ARHGEF18: variants seen among roughly 807,000 people sequenced by gnomAD.
The protein encoded by ARHGEF18 is Rho/Rac guanine nucleotide exchange factor 18.
ARHGEF18 carries 93 observed loss-of-function variants against 155.7 expected under a neutral mutation model. The observed-to-expected ratio is 0.60, with a 90% confidence interval of 0.50 to 0.71. The LOEUF is 0.71. Among genes scored for constraint, ARHGEF18 ranks in the 30% least tolerant of loss-of-function variants. ARHGEF18 has a pLI of 0.00. For missense variants in ARHGEF18, 1,593 were observed against 1,816.1 expected (o/e 0.88, Z 2.23); for synonymous variants, 742 against 753.1 (o/e 0.99, Z 0.24).
intron 2 of ARHGEF18, among the ~76,000 whole-genome samples, chr19:7,367,005 T>C (rs1222634378): frequency 1.3e-5 from 2 of 151,776 alleles, no homozygotes. Context: ...CAACTGATCC[T>C]CCTACTTTAA....
intron 10 of ARHGEF18, among the ~76,000 whole-genome samples, chr19:7,383,968 G>A (rs944433900): frequency 6.6e-6 from 1 of 152,060 alleles, no homozygotes; most frequent in Non-Finnish European, 1.5e-5. Context: ...CTCCCAGAAA[G>A]AGATGGCTCT....
At chr19:7,393,928 T>C (rs926047485) in intron 10 of ARHGEF18, among the ~76,000 whole-genome samples, 14 of 151,080 alleles carry the variant, frequency 9.3e-5, no homozygotes, top group African/African-American at 2.9e-4. Context: ...GGGGATCTGA[T>C]GGTATCTATG....
chr19:7,403,901 C>T (rs1366633654), intron 10 of ARHGEF18, among the ~76,000 whole-genome samples: 1 of 152,048 alleles, frequency 6.6e-6, no homozygotes, highest in Non-Finnish European at 1.5e-5. Context: ...CTCATGTCTA[C>T]TAAAAATACA....
chr19:7,431,391 G>A (rs950074639), intron 10 of ARHGEF18, among the ~76,000 whole-genome samples: 15 of 150,254 alleles, frequency 1.0e-4, no homozygotes, highest in African/African-American at 3.4e-4. Context: ...GATGTGGGCG[G>A]CCATAATCCC....
At position 7,395,325 on chromosome 19, in the gene ARHGEF18, G is replaced by GGGCGCGGGACCCCCGGGGCT; in HGVS notation, c.967+12124_967+12143dup. 3 of 985,318 alleles carry GGGCGCGGGACCCCCGGGGCT rather than the reference G, an allele frequency of 3.0e-6. No homozygotes were observed. Among genetic ancestry groups the GGGCGCGGGACCCCCGGGGCT allele is most frequent in the Non-Finnish European group, 2.4e-6 (2 of 829,790 alleles). The allele number at this position is 985,318 out of a possible 1,614,324, so 61.0% of individuals were successfully genotyped here. A position where few individuals can be genotyped will look rare whatever the true frequency, so the allele number is the denominator to read the frequency against. On this transcript the variant is annotated intron_variant, in intron 10 of 28. Transcript: ENST00000668164. The surrounding 1 kb of genome is among the most constrained non-coding windows in gnomAD (Gnocchi z 5.0). ...CTCGGTCTCTTCAGGGGGTGGCCTG[G>GGGCGCGGGACCCCCGGGGCT]GGCGCGGGACCCCCGGGGCTGCCTC...
rs148970732 is a variant in ARHGEF18, at chr19:7,357,233, G to C, written c.-110-5548G>C. On this transcript the variant is annotated intron_variant, in intron 1 of 28. Coordinates refer to ENST00000668164, the MANE Select transcript of ARHGEF18 (RefSeq NM_001367823.1). ...TGGGCAGCTGGAGTGCCTGGGGAGGGTTTTTAGATCCAACGGTGGATGGCG... is the reference window on the plus strand; with the variant it reads ...TGGGCAGCTGGAGTGCCTGGGGAGGCTTTTTAGATCCAACGGTGGATGGCG... Among the ~76,000 whole-genome samples, 54 of 152,298 alleles carry C rather than the reference G, an allele frequency of 3.5e-4. No homozygotes were observed. The East Asian group carries it at 7.5e-3, about 21-fold the overall frequency.
At chr19:7,383,728 G>A (rs1167828091) in intron 10 of ARHGEF18, among the ~76,000 whole-genome samples, 1 of 150,960 alleles carries the variant, frequency 6.6e-6, no homozygotes, top group Non-Finnish European at 1.5e-5. Context: ...ACTCCAGTGT[G>A]GCCTCAGCTT....
chr19:7,471,674 C>T lies in ARHGEF18; in HGVS notation c.*1376C>T, dbSNP rs1159522606. The T allele has an allele frequency of 6.6e-6, 1 of 152,316 alleles. No homozygotes were observed. The highest frequency in any genetic ancestry group is 1.5e-5 in the Non-Finnish European group (1 of 68,110). The allele number at this position is 152,316 out of a possible 1,614,324, so 9.4% of individuals were successfully genotyped here. A position where few individuals can be genotyped will look rare whatever the true frequency, so the allele number is the denominator to read the frequency against. On this transcript the variant is annotated 3_prime_UTR_variant, in exon 29 of 29. Transcript: ENST00000668164. The surrounding 1 kb of genome is among the most constrained non-coding windows in gnomAD (Gnocchi z 4.4). The stretch of plus-strand genomic sequence containing the variant: ...ACAGTGAACAGGGACATTCCCGCCA[C>T]TCGGGGACAGATGGGCACAAGGGAG...
At chr19:7,428,394 A>G (rs1011380255) in intron 10 of ARHGEF18, among the ~76,000 whole-genome samples, 6 of 151,854 alleles carry the variant, frequency 4.0e-5, no homozygotes, top group African/African-American at 1.5e-4. Flanking sequence ...GGCCTGTTGC[A>G]TGGAGATTTT....
intron 10 of ARHGEF18, among the ~76,000 whole-genome samples, chr19:7,410,547 G>A (rs1407160539): frequency 1.3e-5 from 2 of 151,804 alleles, no homozygotes; most frequent in Non-Finnish European, 2.9e-5. Context: ...GGTGGTTCGC[G>A]CCTGTAAATC....
chr19:7,389,561 T>G, intron 10 of ARHGEF18, among the ~76,000 whole-genome samples: 1 of 146,966 alleles, frequency 6.8e-6, no homozygotes. Context: ...TGAGATGGAG[T>G]CTTGCTGTGT....
intron 10 of ARHGEF18, among the ~76,000 whole-genome samples, chr19:7,438,491 A>C (rs1974414588): frequency 6.6e-6 from 1 of 150,868 alleles, no homozygotes; most frequent in African/African-American, 2.4e-5. Context: ...GGCTCACCAC[A>C]ACCTCCACCT....
Position 7,362,807 on chromosome 19 carries a change from C to A in ARHGEF18, c.-84C>A, listed in dbSNP as rs1365678708. The A allele has an allele frequency of 6.5e-6, 8 of 1,234,288 alleles. No homozygotes were observed. Among genetic ancestry groups the A allele is most frequent in the Non-Finnish European group, 8.1e-6 (8 of 988,148 alleles). 76.5% of individuals were successfully genotyped at this position (1,234,288 alleles called of 1,614,324 possible). ...CTCTGAGCCCAAGTCATGTGTCCAG[C>A]CTTTTGACTCTGGAGCTGTGGCTTC... On this transcript the variant is annotated 5_prime_UTR_variant, in exon 2 of 29. Coordinates refer to ENST00000668164, the MANE Select transcript of ARHGEF18 (RefSeq NM_001367823.1).
Position 7,387,728 on chromosome 19 carries a change from G to A in ARHGEF18, c.967+4525G>A, listed in dbSNP as rs117306500. On this transcript the variant is annotated intron_variant, in intron 10 of 28. Transcript: ENST00000668164. Reference sequence around the variant, plus strand: ...TCTGTCGCCCACGCCAGAGTGCAGTGGCGTGATGTCGGCTCACTGGAGACT... The same window carrying A: ...TCTGTCGCCCACGCCAGAGTGCAGTAGCGTGATGTCGGCTCACTGGAGACT... Among the ~76,000 whole-genome samples the A allele has an allele frequency of 2.0e-4, 30 of 152,130 alleles. No homozygotes were observed. In the East Asian group the frequency reaches 5.0e-3, roughly 25 times the overall value.
chr19:7,476,599 C>A (rs1462262186), downstream of ARHGEF18, among the ~76,000 whole-genome samples: 1 of 152,252 alleles, frequency 6.6e-6, no homozygotes, highest in Non-Finnish European at 1.5e-5. Flanking sequence ...GCGTCGGCAG[C>A]ACAGTGGCAT....
chr19:7,438,474 C>T (rs935298023), intron 10 of ARHGEF18, among the ~76,000 whole-genome samples: 8 of 150,522 alleles, frequency 5.3e-5, no homozygotes, highest in Admixed American at 2.0e-4. Flanking sequence ...TGCAGTGGCA[C>T]GGTCTCGGCT....
In ARHGEF18 at chr19:7,353,778, C is replaced by A. The variant is rs1394357285; in HGVS notation, c.-111+4537C>A. The stretch of plus-strand genomic sequence containing the variant: ...GACCAGTCTGGCCAACATGGCAAAA[C>A]CCTGCCTCTACTACAAATACAAAAA... On this transcript the variant is annotated intron_variant, in intron 1 of 28. Transcript: ENST00000668164. 5.3e-5 allele frequency among the ~76,000 whole-genome samples: 8 copies of A among 151,474 alleles called. 1 individual carries two copies. The highest frequency in any genetic ancestry group is 1.0e-4 in the Non-Finnish European group (7 of 67,908).
Position 7,466,869 on chromosome 19 carries a change from G to A in ARHGEF18, c.2905-49G>A, listed in dbSNP as rs374090349. On this transcript the variant is annotated intron_variant, in intron 23 of 28. Transcript: ENST00000668164. ...AGAAGAAGAAGGCTTGAGTCTAGTC[G>A]GATGGGTCTTGAGCCACTCTCTCTG... The A allele has an allele frequency of 2.7e-5, 41 of 1,507,224 alleles. No individual in the cohort carries two copies. In the African/African-American group the frequency reaches 5.0e-4, roughly 19 times the overall value. 93.4% of individuals were successfully genotyped at this position (1,507,224 alleles called of 1,614,324 possible). A position where few individuals can be genotyped will look rare whatever the true frequency, so the allele number is the denominator to read the frequency against.
chr19:7,478,183 G>A, the ARHGEF18 span: 1 of 927,440 alleles, frequency 1.1e-6, no homozygotes, highest in Non-Finnish European at 1.6e-6. Context: ...CCCACCAGAG[G>A]CTGTGATGAC....
Sources: allele counts gnomAD v4.1 joint callset (sites outside exome capture counted in the v4.1 genomes callset), GRCh38; gene constraint gnomAD v4.1.1; non-coding constraint Gnocchi (gnomAD v3.1); transcripts MANE v1.5; gene names NCBI Gene and HGNC (gene_info 2026-07-23, HGNC 2026-07-21).